The following PRRX2 variants were observed in gnomAD, a reference collection of about 807,000 sequenced individuals.
The protein encoded by PRRX2 is paired related homeobox 2, also known as paired mesoderm homeobox protein 2.
PRRX2 carries 11 observed loss-of-function variants against 18.0 expected under a neutral mutation model. That is an observed-to-expected ratio of 0.61 (90% CI 0.39 to 1.01). PRRX2 has a LOEUF of 1.01. PRRX2 is among the 50% of genes least tolerant of loss of function. The pLI is 0.01. For synonymous variants in PRRX2, 177 were observed against 154.8 expected, an observed-to-expected ratio of 1.14 and a Z score of -1.06; for missense variants, 387 against 351.0, an observed-to-expected ratio of 1.10 and a Z score of -0.82.
Position 129,715,968 on chromosome 9 carries a change from C to G in PRRX2, c.260-3263C>G, listed in dbSNP as rs1832701793. ...CAGTTCACTGAACAAATGCCCAGTA[C>G]TGTGCAAAGAACATCGGGTGTAAAA... On this transcript the variant is annotated intron_variant, in intron 1 of 3. Transcript: ENST00000372469. The surrounding 1 kb of genome is among the most constrained non-coding windows in gnomAD (Gnocchi z 4.0). Among the ~76,000 whole-genome samples, 1 of 152,168 alleles carries G rather than the reference C, an allele frequency of 6.6e-6. No homozygotes were observed.
intron 1 of PRRX2, among the ~76,000 whole-genome samples, chr9:129,706,008 A>G (rs1332705551): frequency 6.6e-6 from 1 of 151,418 alleles, no homozygotes; most frequent in African/African-American, 2.4e-5. Context: ...TACCTGTGGC[A>G]CCCCCAGAGA....
At chr9:129,692,736 C>CT (rs1220250544) in intron 1 of PRRX2, among the ~76,000 whole-genome samples, 1 of 152,134 alleles carries the variant, frequency 6.6e-6, no homozygotes, top group Non-Finnish European at 1.5e-5. Flanking sequence ...TCGATAGCTC[C>CT]TTTTTTCAGT....
chr9:129,670,040 CTG>C (rs1405687895), intron 1 of PRRX2, among the ~76,000 whole-genome samples: 6 of 147,216 alleles, frequency 4.1e-5, no homozygotes, highest in Non-Finnish European at 4.5e-5. Flanking sequence ...CTTCCTGTCT[CTG>C]TGGATTTGAC....
chr9:129,704,859 A>G (rs1181869621), intron 1 of PRRX2, among the ~76,000 whole-genome samples: 1 of 152,184 alleles, frequency 6.6e-6, no homozygotes, highest in Non-Finnish European at 1.5e-5. Flanking sequence ...CAAGTTCCCA[A>G]CTGGCTCTGG....
At chr9:129,702,056 G>C (rs1832505028) in intron 1 of PRRX2, among the ~76,000 whole-genome samples, 1 of 151,704 alleles carries the variant, frequency 6.6e-6, no homozygotes, top group Admixed American at 6.6e-5. Context: ...AGCCAGGATC[G>C]CACCACTGCA....
intron 1 of PRRX2, among the ~76,000 whole-genome samples, chr9:129,697,906 C>T (rs943825904): frequency 6.6e-6 from 1 of 151,984 alleles, no homozygotes; most frequent in African/African-American, 2.4e-5. Context: ...AAGATGAGGC[C>T]TTTGGGGCAT....
At chr9:129,682,380 C>T (rs1832243813) in intron 1 of PRRX2, among the ~76,000 whole-genome samples, 1 of 152,076 alleles carries the variant, frequency 6.6e-6, no homozygotes, top group Non-Finnish European at 1.5e-5. Flanking sequence ...TGTGAGGGCC[C>T]CTAAGAGAGG....
At chr9:129,697,049 A>G (rs1252849593) in intron 1 of PRRX2, among the ~76,000 whole-genome samples, 1 of 152,234 alleles carries the variant, frequency 6.6e-6, no homozygotes, top group African/African-American at 2.4e-5. Context: ...TACCTGCCTC[A>G]TAGGGTTACC....
chr9:129,690,098 A>G (rs1021453170), intron 1 of PRRX2, among the ~76,000 whole-genome samples: 1 of 151,914 alleles, frequency 6.6e-6, no homozygotes, highest in African/African-American at 2.4e-5. Context: ...CTCCCCAGTA[A>G]TGCCCCGTGC....
intron 1 of PRRX2, among the ~76,000 whole-genome samples, chr9:129,713,950 A>T (rs777983382): frequency 3.3e-5 from 5 of 151,594 alleles, no homozygotes; most frequent in Non-Finnish European, 7.4e-5. Context: ...GCCAACAGAC[A>T]TCGATTTCAA....
At chr9:129,703,097 T>G (rs1270040028) in intron 1 of PRRX2, among the ~76,000 whole-genome samples, 1 of 152,218 alleles carries the variant, frequency 6.6e-6, no homozygotes, top group Non-Finnish European at 1.5e-5. Flanking sequence ...ATGCTGGAGA[T>G]GTCGAAGATG....
At chr9:129,673,084 T>C (rs1310334081) in intron 1 of PRRX2, among the ~76,000 whole-genome samples, 1 of 152,196 alleles carries the variant, frequency 6.6e-6, no homozygotes, top group Non-Finnish European at 1.5e-5. Flanking sequence ...AGAAAAGCCA[T>C]TTACTCACAG....
intron 2 of PRRX2, 43 bp downstream of exon 2, chr9:129,719,461 G>A (rs1256157482): frequency 1.4e-6 from 2 of 1,447,802 alleles, no homozygotes; most frequent in South Asian, 1.4e-5. Flanking sequence ...CGTGCGCGTG[G>A]GAGCGCACAG....
chr9:129,720,302 T>C (rs1423619293), intron 2 of PRRX2, among the ~76,000 whole-genome samples: 21 of 133,842 alleles, frequency 1.6e-4, no homozygotes, highest in South Asian at 5.1e-4. Flanking sequence ...GCAAGCGCCT[T>C]TCCCCGCGAG....
rs1239880892 is a variant in PRRX2 at position 129,717,717 on chromosome 9, AAAAG to A, written c.260-1510_260-1507del. Among the ~76,000 whole-genome samples, 28 of 151,144 alleles carry A rather than the reference AAAAG, an allele frequency of 1.9e-4. 1 individual carries two copies. Among genetic ancestry groups the A allele is most frequent in the Non-Finnish European group, 1.3e-4 (9 of 67,876 alleles). ...CCTCAAAAAAAAAAAAAAAAAAAGA[AAAAG>A]AAAAAAGAAAGAAAATGTGGGGAGT... On this transcript the variant is annotated intron_variant, in intron 1 of 3. Transcript: ENST00000372469.
In PRRX2 at chr9:129,684,453, CA is replaced by C. The variant is rs1564147278; in HGVS notation, c.259+18328del. 1.2e-3 allele frequency among the ~76,000 whole-genome samples: 171 copies of C among 140,992 alleles called. 3 individuals carry two copies. The East Asian group carries it at 0.023, about 19-fold the overall frequency. 92.5% of individuals were successfully genotyped at this position (140,992 alleles called of 152,430 possible). On this transcript the variant is annotated intron_variant, in intron 1 of 3. Coordinates refer to ENST00000372469, the MANE Select transcript of PRRX2 (RefSeq NM_016307.4). ...ACACACACACACACACACACACACA[CA>C]CACACCCAACAGAAAAGATACCAGA... is the stretch of plus-strand genomic sequence containing the variant.
chr9:129,689,212 TC>T (rs1205856002), intron 1 of PRRX2, among the ~76,000 whole-genome samples: 4 of 152,072 alleles, frequency 2.6e-5, no homozygotes, highest in Non-Finnish European at 5.9e-5. Flanking sequence ...AGCACAGGGG[TC>T]TTCAGTAAGA....
At chr9:129,720,420 C>G (rs1040495808) in intron 2 of PRRX2, among the ~76,000 whole-genome samples, 176 bp from the exon 3 acceptor site, 3 of 152,248 alleles carry the variant, frequency 2.0e-5, no homozygotes, top group African/African-American at 7.2e-5. Context: ...CAATCTCCAA[C>G]ACATACCCAG....
Position 129,671,445 on chromosome 9 carries a change from C to G in PRRX2, c.259+5319C>G, listed in dbSNP as rs2119049924. Among the ~76,000 whole-genome samples, 1 of 152,294 alleles carries G rather than the reference C, an allele frequency of 6.6e-6. No individual in the cohort carries two copies. Among genetic ancestry groups the G allele is most frequent in the East Asian group, 1.9e-4 (1 of 5,176 alleles). The stretch of plus-strand genomic sequence containing the variant: ...GCACAGGGGGCTTAGACCGGCTTGC[C>G]CTTCTCTGTGAGCAGAAACTCAACA... On this transcript the variant is annotated intron_variant, in intron 1 of 3. Coordinates refer to ENST00000372469, the MANE Select transcript of PRRX2 (RefSeq NM_016307.4). This position sits in a 1 kb window ranked among gnomAD's most constrained non-coding sequence, Gnocchi z 4.0.
Sources: allele counts gnomAD v4.1 joint callset (sites outside exome capture counted in the v4.1 genomes callset), GRCh38; gene constraint gnomAD v4.1.1; non-coding constraint Gnocchi (gnomAD v3.1); transcripts MANE v1.5; gene names NCBI Gene and HGNC (gene_info 2026-07-23, HGNC 2026-07-21).